The following CCDC102B variants were observed in gnomAD, a reference collection of about 807,000 sequenced individuals.
The protein encoded by CCDC102B is coiled-coil domain-containing protein 102B.
A neutral mutation model predicts 57.4 loss-of-function variants in CCDC102B; 75 were observed. The observed-to-expected ratio is 1.31, with a 90% CI of 1.08 to 1.58. The LOEUF is 1.58. Ranked by LOEUF, CCDC102B falls within the 40% of genes most tolerant of loss-of-function variation. The probability of loss-of-function intolerance (pLI) is 0.00; values close to 1 mark genes in which losing one functional copy is unlikely to be tolerated. For synonymous variants in CCDC102B, 206 were observed against 201.9 expected (o/e 1.02, Z -0.17); for missense variants, 636 against 582.6 (o/e 1.09, Z -0.94).
rs1026777294 is a variant in CCDC102B, at chr18:69,047,588, A to G, written c.1435-6442A>G. ...AAAACGCATCCAAATTGGAAGAGAG[A>G]ATGTGAGACTATCCCTGTTTGCAGA... On this transcript the variant is annotated intron_variant, in intron 7 of 7. Coordinates refer to ENST00000360242, the MANE Select transcript of CCDC102B (RefSeq NM_024781.3). Among the ~76,000 whole-genome samples the G allele has an allele frequency of 3.2e-4, 49 of 152,172 alleles. 1 individual carries two copies. The highest frequency in any genetic ancestry group is 8.7e-4 in the African/African-American group (36 of 41,550).
intron 2 of CCDC102B, among the ~76,000 whole-genome samples, chr18:68,775,349 T>C (rs535978674): frequency 1.3e-5 from 2 of 152,150 alleles, no homozygotes; most frequent in Non-Finnish European, 1.5e-5. Context: ...CCTTTTATTA[T>C]ATAAGGTCAT....
intron 2 of CCDC102B, among the ~76,000 whole-genome samples, chr18:68,790,183 C>T (rs2035385375): frequency 6.6e-6 from 1 of 151,306 alleles, no homozygotes; most frequent in African/African-American, 2.5e-5. Flanking sequence ...GGCAGTCTGC[C>T]CATTCTCAGA....
At chr18:68,926,707 A>G (rs2041486224) in intron 6 of CCDC102B, among the ~76,000 whole-genome samples, 1 of 151,930 alleles carries the variant, frequency 6.6e-6, no homozygotes, top group African/African-American at 2.4e-5. Context: ...TTATGTAATG[A>G]ATATCTTTGT....
intron 2 of CCDC102B, among the ~76,000 whole-genome samples, chr18:68,776,183 A>G (rs1441822008): frequency 6.6e-6 from 1 of 151,926 alleles, no homozygotes; most frequent in Non-Finnish European, 1.5e-5. Context: ...TTATATTTTC[A>G]AGTTCACTAA....
chr18:68,732,998 G>T (rs188246979), intron 2 of CCDC102B, among the ~76,000 whole-genome samples: 73 of 138,662 alleles, frequency 5.3e-4, no homozygotes, highest in African/African-American at 2.4e-3. Context: ...GAAAAAGAAA[G>T]ATAGAAAAGT....
chr18:68,966,497 G>A (rs1382154923), intron 6 of CCDC102B, among the ~76,000 whole-genome samples: 1 of 152,036 alleles, frequency 6.6e-6, no homozygotes, highest in African/African-American at 2.4e-5. Flanking sequence ...TGTGTGTGTG[G>A]GACTCTTCCA....
At chr18:69,007,179 C>T (rs2051373420) in intron 6 of CCDC102B, among the ~76,000 whole-genome samples, 1 of 151,894 alleles carries the variant, frequency 6.6e-6, no homozygotes, top group Non-Finnish European at 1.5e-5. Flanking sequence ...ATTAAGGAAG[C>T]AATGTATTTT....
intron 1 of CCDC102B, among the ~76,000 whole-genome samples, chr18:68,810,526 G>T (rs1194499705): frequency 6.6e-6 from 1 of 151,884 alleles, no homozygotes; most frequent in Non-Finnish European, 1.5e-5. Flanking sequence ...TCTATTATTA[G>T]CATATCTTAT....
At chr18:68,943,578 G>A (rs1386388623) in intron 6 of CCDC102B, among the ~76,000 whole-genome samples, 1 of 152,086 alleles carries the variant, frequency 6.6e-6, no homozygotes, top group African/African-American at 2.4e-5. Flanking sequence ...TAGACATTTT[G>A]AGTTACGCAC....
At chr18:68,914,055 A>G (rs191512538) in intron 6 of CCDC102B, among the ~76,000 whole-genome samples, 17 of 152,374 alleles carry the variant, frequency 1.1e-4, no homozygotes, top group African/African-American at 3.6e-4. Context: ...TATTCGGAAA[A>G]TGACAAATCA....
chr18:68,881,630 C>T (rs574630269), intron 5 of CCDC102B, among the ~76,000 whole-genome samples: 1 of 152,098 alleles, frequency 6.6e-6, no homozygotes, highest in Non-Finnish European at 1.5e-5. Flanking sequence ...GAGGGAACTA[C>T]TGATGCCTAA....
At chr18:68,948,223 ATTAGAATTACAG>A (rs1393396503) in intron 6 of CCDC102B, among the ~76,000 whole-genome samples, 1 of 152,142 alleles carries the variant, frequency 6.6e-6, no homozygotes, top group Admixed American at 6.6e-5. Flanking sequence ...ATGAAAATAA[ATTAGAATTACAG>A]TTAAAGCATA....
chr18:69,009,667 AC>A (rs1181996754), intron 6 of CCDC102B, among the ~76,000 whole-genome samples: 17 of 151,952 alleles, frequency 1.1e-4, no homozygotes, highest in Admixed American at 8.5e-4. Context: ...GCTATTTTTT[AC>A]TTTTGGATCA....
At chr18:68,965,423 A>G (rs2050143837) in intron 6 of CCDC102B, among the ~76,000 whole-genome samples, 1 of 150,874 alleles carries the variant, frequency 6.6e-6, no homozygotes, top group South Asian at 2.1e-4. Flanking sequence ...CTTTTACTTT[A>G]TATTGAGACT....
chr18:68,795,888 C>A (rs185168087), upstream of CCDC102B, among the ~76,000 whole-genome samples: 2 of 152,160 alleles, frequency 1.3e-5, no homozygotes, highest in African/African-American at 4.8e-5. Context: ...AAGAATAGGA[C>A]CAATGATGGC....
chr18:68,722,149 C>T (rs1336499163), intron 2 of CCDC102B, among the ~76,000 whole-genome samples: 1 of 152,152 alleles, frequency 6.6e-6, no homozygotes, highest in Admixed American at 6.5e-5. Context: ...TGGCTTTGAA[C>T]GCTGTTGAGG....
intron 2 of CCDC102B, chr18:68,753,401 G>A (rs2033935707): frequency 1.3e-5 from 2 of 151,936 alleles, no homozygotes; most frequent in African/African-American, 4.8e-5. Flanking sequence ...TCCAGTCTTG[G>A]GGATAAAGAT....
chr18:68,719,899 G>A (rs368964443), intron 2 of CCDC102B, among the ~76,000 whole-genome samples: 1 of 152,124 alleles, frequency 6.6e-6, no homozygotes, highest in Non-Finnish European at 1.5e-5. Flanking sequence ...CATTTCACTT[G>A]TGAACAAAAA....
At chr18:68,905,419 T>G in intron 6 of CCDC102B, among the ~76,000 whole-genome samples, 1 of 151,066 alleles carries the variant, frequency 6.6e-6, no homozygotes, top group Non-Finnish European at 1.5e-5. Context: ...AAATGCAAGT[T>G]TGAGTTAAAA....
Sources: allele counts gnomAD v4.1 joint callset (sites outside exome capture counted in the v4.1 genomes callset), GRCh38; gene constraint gnomAD v4.1.1; transcripts MANE v1.5; gene names NCBI Gene and HGNC (gene_info 2026-07-23, HGNC 2026-07-21).